Variants in MDH1B observed in about 807,000 individuals in gnomAD.
MDH1B encodes malate dehydrogenase 1B.
In MDH1B, 60 loss-of-function variants were observed where a neutral mutation model predicts 61.4. The ratio of observed to expected loss-of-function variants is 0.98; its 90% CI spans 0.79 to 1.21. The LOEUF (loss-of-function observed/expected upper bound fraction) is 1.21, where lower values mean the gene tolerates loss of function less well. Among genes scored for constraint, MDH1B ranks in the 50% most tolerant of loss-of-function variants. The pLI is 0.00. For synonymous variants in MDH1B, 236 were observed against 218.7 expected (o/e 1.08, Z -0.70); for missense variants, 587 against 632.1 (o/e 0.93, Z 0.76).
intron 9 of MDH1B, among the ~76,000 whole-genome samples, chr2:206,742,401 T>A (rs1687862264): frequency 6.6e-6 from 1 of 152,174 alleles, no homozygotes; most frequent in African/African-American, 2.4e-5. Context: ...CTGATGAACC[T>A]TTTTTGCCAG....
Position 206,748,370 on chromosome 2 carries a change from C to T in MDH1B, c.1216+650G>A, listed in dbSNP as rs1035718665. ...CCCCAGCCTGAGCGTCACAGCAAGA[C>T]TCCATCTCAAGCAAACAAACAAAAA... On this transcript the variant is annotated intron_variant, in intron 7 of 11. Coordinates refer to ENST00000374412, the MANE Select transcript of MDH1B (RefSeq NM_001039845.3). Among the ~76,000 whole-genome samples, 8 of 152,232 alleles carry T rather than the reference C, an allele frequency of 5.3e-5. No homozygotes were observed. In the South Asian group the frequency reaches 1.7e-3, roughly 31 times the overall value.
intron 9 of MDH1B, among the ~76,000 whole-genome samples, chr2:206,743,102 G>T (rs1219552227): frequency 6.6e-6 from 1 of 152,152 alleles, no homozygotes; most frequent in Non-Finnish European, 1.5e-5. Flanking sequence ...AAGGAACACA[G>T]AGTTGGATCA....
Position 206,741,094 on chromosome 2 carries a change from A to C in MDH1B, c.1419T>G (p.Asp473Glu). The C allele has an allele frequency of 6.2e-7, 1 of 1,612,678 alleles. No individual in the cohort carries two copies. Among genetic ancestry groups the C allele is most frequent in the Non-Finnish European group, 8.5e-7 (1 of 1,179,106 alleles). Residue 473 changes from aspartate (D) to glutamate (E), a missense_variant, in exon 10 of 12, where the codon GAT becomes GAG. Coordinates refer to ENST00000374412, the MANE Select transcript of MDH1B (RefSeq NM_001039845.3). ...HFQPYQSGHK[D>E]LVPDEEKNLA... ...GATTTTTTTCTTCATCAGGGACCAGATCTTTATGTCCTGAAATCAAAATTA... is the reference window on the plus strand; with the variant it reads ...GATTTTTTTCTTCATCAGGGACCAGCTCTTTATGTCCTGAAATCAAAATTA...
chr2:206,744,227 A>G (rs1687968858), intron 9 of MDH1B, among the ~76,000 whole-genome samples: 1 of 152,154 alleles, frequency 6.6e-6, no homozygotes, highest in Admixed American at 6.5e-5. Flanking sequence ...CCTCCCACGC[A>G]CCACAGTTGC....
At chr2:206,741,541 C>T (rs1472245590) in intron 9 of MDH1B, among the ~76,000 whole-genome samples, 5 of 152,194 alleles carry the variant, frequency 3.3e-5, no homozygotes, top group Admixed American at 6.5e-5. Flanking sequence ...TCCTAGCCTA[C>T]ATTTTTCTCC....
chr2:206,746,900 G>A (rs557931692), intron 7 of MDH1B, among the ~76,000 whole-genome samples: 16 of 152,258 alleles, frequency 1.1e-4, no homozygotes, highest in African/African-American at 3.9e-4. Context: ...GTGTTTTGGT[G>A]TGCGTTTGCT....
intron 2 of MDH1B, among the ~76,000 whole-genome samples, chr2:206,759,849 A>G (rs556355540): frequency 2.0e-5 from 3 of 152,224 alleles, no homozygotes; most frequent in Non-Finnish European, 4.4e-5. Flanking sequence ...AGCACTACCA[A>G]CCCAGCAGAT....
rs1383985418 is a variant in MDH1B at position 206,757,059 on chromosome 2, A to G, written c.271-19T>C. 6.2e-7 allele frequency: 1 copy of G among 1,608,672 alleles called. No individual in the cohort carries two copies. Among genetic ancestry groups the G allele is most frequent in the Admixed American group, 1.7e-5 (1 of 59,582 alleles). ...AGTAAAGCTAAATATTGGGAGAGAA[A>G]AAGTCAATATCAGAGAATAGATAAC... On this transcript the variant is annotated intron_variant, in intron 3 of 11. Coordinates refer to ENST00000374412, the MANE Select transcript of MDH1B (RefSeq NM_001039845.3).
At chr2:206,746,150 A>C (rs1688097590) in intron 8 of MDH1B, 137 bp downstream of exon 8, 4 of 666,794 alleles carry the variant, frequency 6.0e-6, no homozygotes, top group Non-Finnish European at 9.3e-6. Context: ...ATTTTTTTCA[A>C]ACTTTTATTA....
chr2:206,764,116 T>C (rs1052947929), intron 1 of MDH1B, among the ~76,000 whole-genome samples: 1 of 151,998 alleles, frequency 6.6e-6, no homozygotes, highest in Non-Finnish European at 1.5e-5. Context: ...GTGGGCAACA[T>C]GACAAAACCC....
rs1688712408 is a variant in MDH1B, at chr2:206,755,510, T to C, written c.414-5A>G. 6.2e-7 allele frequency: 1 copy of C among 1,606,310 alleles called. No individual in the cohort carries two copies. Among genetic ancestry groups the C allele is most frequent in the African/African-American group, 1.3e-5 (1 of 74,728 alleles). ...TAGCAGGCAGGAGCAGAGGCACTGA[T>C]AAAAATGCAAAGCCGCATTGTGAAT... On this transcript the variant is annotated splice_polypyrimidine_tract_variant and splice_region_variant and intron_variant, in intron 4 of 11. Transcript: ENST00000374412.
At chr2:206,743,549 C>T (rs947976588) in intron 9 of MDH1B, among the ~76,000 whole-genome samples, 30 of 152,146 alleles carry the variant, frequency 2.0e-4, no homozygotes, top group African/African-American at 7.2e-4. Flanking sequence ...GCAACAACTC[C>T]CCATTTGGCA....
At chr2:206,763,910 G>T (rs974215865) in intron 1 of MDH1B, among the ~76,000 whole-genome samples, 3 of 151,778 alleles carry the variant, frequency 2.0e-5, no homozygotes, top group Admixed American at 1.3e-4. Context: ...CCCTGCTATC[G>T]TTCCTATAGA....
At position 206,760,954 on chromosome 2, in the gene MDH1B, T is replaced by C; in HGVS notation, c.82A>G (p.Asn28Asp). 1 of 1,613,316 alleles carries C rather than the reference T, an allele frequency of 6.2e-7. No individual in the cohort carries two copies. The highest frequency in any genetic ancestry group is 8.5e-7 in the Non-Finnish European group (1 of 1,179,432). ...TELVADYLQK[N>D]LPDFRIHKIT... is the part of the protein sequence containing the mutation. ...TTATGTATCCGAAAATCAGGAAGAT[T>C]CTTTTGTAAATAGTCTGCCACAAGT... Residue 28 changes from asparagine (N) to aspartate (D), a missense_variant, in exon 2 of 12, where the codon AAT becomes GAT. Physicochemically the swap from Asn to Asp is conservative, Grantham distance 23. Coordinates refer to ENST00000374412, the MANE Select transcript of MDH1B (RefSeq NM_001039845.3).
At position 206,738,494 on chromosome 2, in the gene MDH1B, C is replaced by T. The variant is rs149261165; in HGVS notation, c.1546G>A (p.Val516Met). The T allele has an allele frequency of 4.4e-5, 70 of 1,584,194 alleles. No homozygotes were observed. The highest frequency in any genetic ancestry group is 1.9e-4 in the South Asian group (17 of 87,728). Residue 516 changes from valine to methionine, a missense_variant, in exon 12 of 12, where the codon GTG becomes ATG. Coordinates refer to ENST00000374412, the MANE Select transcript of MDH1B (RefSeq NM_001039845.3). ...EFLNEFEGKT[V>M]ES ...TCCAATTTGATCTGTTAGGATTCCA[C>T]GGTTTTGCCTTCAAATTCTGTAAAA...
intron 7 of MDH1B, among the ~76,000 whole-genome samples, chr2:206,747,646 T>C (rs1301006614): frequency 2.0e-5 from 3 of 152,112 alleles, no homozygotes; most frequent in African/African-American, 7.2e-5. Flanking sequence ...AAGGGGACAA[T>C]GCAACTAATC....
chr2:206,764,116 T>G (rs1052947929), intron 1 of MDH1B, among the ~76,000 whole-genome samples: 26 of 151,998 alleles, frequency 1.7e-4, no homozygotes, highest in Non-Finnish European at 2.9e-5. Flanking sequence ...GTGGGCAACA[T>G]GACAAAACCC....
chr2:206,744,036 T>C (rs1687954956), intron 9 of MDH1B, among the ~76,000 whole-genome samples: 1 of 152,224 alleles, frequency 6.6e-6, no homozygotes, highest in African/African-American at 2.4e-5. Context: ...CATCTAGAAA[T>C]CTTCTGTAGC....
intron 1 of MDH1B, among the ~76,000 whole-genome samples, chr2:206,762,366 T>G (rs563414245): frequency 6.6e-6 from 1 of 152,324 alleles, no homozygotes; most frequent in East Asian, 1.9e-4. Flanking sequence ...GGACTCATCC[T>G]TTCCTCCTTT....
Sources: allele counts gnomAD v4.1 joint callset (sites outside exome capture counted in the v4.1 genomes callset), GRCh38; gene constraint gnomAD v4.1.1; transcripts MANE v1.5; gene names NCBI Gene and HGNC (gene_info 2026-07-23, HGNC 2026-07-21).